Variants in MVD observed in about 807,000 individuals in gnomAD.
MVD encodes the protein mevalonate diphosphate decarboxylase, also known as diphosphomevalonate decarboxylase.
A neutral mutation model predicts 42.4 loss-of-function variants in MVD; 52 were observed. That is an observed-to-expected ratio of 1.23 (90% CI 0.98 to 1.55). The LOEUF (loss-of-function observed/expected upper bound fraction) is 1.55, where lower values mean the gene tolerates loss of function less well. Ranked by LOEUF, MVD falls within the 40% of genes most tolerant of loss-of-function variation. The probability of loss-of-function intolerance (pLI) is 0.00; values close to 1 mark genes in which losing one functional copy is unlikely to be tolerated. For synonymous variants in MVD, 287 were observed against 243.2 expected (o/e 1.18, Z -1.68); for missense variants, 663 against 572.1 (o/e 1.16, Z -1.62).
At position 88,654,776 on chromosome 16, in the gene MVD, G is replaced by T; in HGVS notation, c.929C>A (p.Ala310Asp). The T allele has an allele frequency of 6.3e-7, 1 of 1,595,354 alleles. No individual in the cohort carries two copies. Among genetic ancestry groups the T allele is most frequent in the Non-Finnish European group, 8.5e-7 (1 of 1,173,236 alleles). The change falls in exon 8 of 10, where the codon GCC becomes GAC. Residue 310 changes from alanine to aspartate, a missense_variant. Coordinates refer to ENST00000301012, the MANE Select transcript of MVD (RefSeq NM_002461.3). Reference sequence around the variant, plus strand: ...AGTGTCGTCCAGGGTGAAGATCACGGCATTGGGGCCCGCGTCAAAGGTGTA... The same window carrying T: ...AGTGTCGTCCAGGGTGAAGATCACGTCATTGGGGCCCGCGTCAAAGGTGTA... ...VAYTFDAGPN[A>D]VIFTLDDTVA... is the part of the protein sequence containing the mutation.
intron 4 of MVD, 25 bp downstream of exon 4, chr16:88,657,411 C>T: frequency 1.3e-6 from 2 of 1,575,400 alleles, no homozygotes; most frequent in Non-Finnish European, 8.6e-7. Flanking sequence ...GCCCAGAACC[C>T]CTGCGGGTCT....
At chr16:88,654,565 CG>C in intron 8 of MVD, 126 bp downstream of exon 8, 1 of 906,312 alleles carries the variant, frequency 1.1e-6, no homozygotes, top group East Asian at 3.1e-5. Context: ...CTCCCACACT[CG>C]GGGGACTGCT....
In MVD at chr16:88,661,482, C is replaced by T. The variant is rs920945018; in HGVS notation, c.70+1529G>A. ...CAGGTGATCCGCCCACCTCAGCCTC[C>T]CCAAGTGCTGGGATTACAGGCTTGA... On this transcript the variant is annotated intron_variant, in intron 1 of 9. Transcript: ENST00000301012. Among the ~76,000 whole-genome samples, 7 of 152,162 alleles carry T rather than the reference C, an allele frequency of 4.6e-5. No homozygotes were observed. In the East Asian group the frequency reaches 1.2e-3, roughly 25 times the overall value.
rs548019036 is a variant in MVD at position 88,654,566 on chromosome 16, G to A, written c.1013+126C>T. ...CACCCTGCCCGTGGCTCCCACACTC[G>A]GGGGACTGCTGCCTGCCCTGGGACT... is the stretch of plus-strand genomic sequence containing the variant. On this transcript the variant is annotated intron_variant, in intron 8 of 9. Transcript: ENST00000301012. 305 of 910,506 alleles carry A rather than the reference G, an allele frequency of 3.3e-4. 1 individual carries two copies. The highest frequency in any genetic ancestry group is 3.2e-3 in the African/African-American group (180 of 56,414). 56.4% of individuals were successfully genotyped at this position (910,506 alleles called of 1,614,324 possible). A position where few individuals can be genotyped will look rare whatever the true frequency, so the allele number is the denominator to read the frequency against.
rs754779116 is a variant in MVD, at chr16:88,657,963, G to C, written c.208C>G (p.Arg70Gly). 2.5e-6 allele frequency: 4 copies of C among 1,613,912 alleles called. No individual in the cohort carries two copies. The highest frequency in any genetic ancestry group is 1.7e-5 in the Admixed American group (1 of 60,034). ...FTEDRIWLNGREEDVGQPRLQ... is the reference protein window; with the variant it reads ...FTEDRIWLNGGEEDVGQPRLQ... ...CGCGGCTGCCCCACATCCTCCTCCCGGCCATTCAGCCAAATCCGGTCCTCG... is the reference window on the plus strand; with the variant it reads ...CGCGGCTGCCCCACATCCTCCTCCCCGCCATTCAGCCAAATCCGGTCCTCG... The change falls in exon 3 of 10, where the codon CGG becomes GGG. Residue 70 changes from arginine (R) to glycine (G), a missense_variant. Transcript: ENST00000301012.
In MVD at chr16:88,663,085, C is replaced by T; in HGVS notation, c.-5G>A. 6.2e-7 allele frequency: 1 copy of T among 1,608,692 alleles called. No individual in the cohort carries two copies. Among genetic ancestry groups the T allele is most frequent in the Non-Finnish European group, 8.5e-7 (1 of 1,178,338 alleles). ...CAGCGGCTTCTCCGAGGCCATGGTC[C>T]CACCGCGCAGTGACCCCAGCTCCAC... On this transcript the variant is annotated 5_prime_UTR_variant, in exon 1 of 10. Coordinates refer to ENST00000301012, the MANE Select transcript of MVD (RefSeq NM_002461.3).
intron 1 of MVD, chr16:88,662,649 C>T (rs1367947474): frequency 1.6e-6 from 2 of 1,256,384 alleles, no homozygotes; most frequent in Admixed American, 3.1e-5. Flanking sequence ...TCTGGCCATC[C>T]TCCCGCCTCA....
intron 8 of MVD, among the ~76,000 whole-genome samples, chr16:88,653,947 C>T (rs1907742175): frequency 6.6e-6 from 1 of 152,098 alleles, no homozygotes; most frequent in Admixed American, 6.5e-5. Flanking sequence ...TTGCTCCCAC[C>T]CGGGACAGAC....
intron 1 of MVD, chr16:88,662,171 G>A (rs1908344400): frequency 6.6e-6 from 1 of 152,138 alleles, no homozygotes; most frequent in African/African-American, 2.4e-5. Context: ...GCGGCTTCTG[G>A]AAAGAAAAGA....
intron 4 of MVD, 94 bp from the exon 5 acceptor site, chr16:88,656,398 CA>C: frequency 7.5e-7 from 1 of 1,336,358 alleles, no homozygotes; most frequent in South Asian, 1.2e-5. Flanking sequence ...CACCCCACGG[CA>C]AATGGGGATT....
At chr16:88,656,390 C>G in intron 4 of MVD, 86 bp from the exon 5 acceptor site, 1 of 1,410,546 alleles carries the variant, frequency 7.1e-7, no homozygotes, top group South Asian at 1.2e-5. Flanking sequence ...ACGTCCCACA[C>G]CCCACGGCAA....
intron 7 of MVD, 43 bp downstream of exon 7, chr16:88,655,156 G>A (rs1219808549): frequency 9.7e-6 from 15 of 1,543,140 alleles, no homozygotes; most frequent in Middle Eastern, 3.7e-4. Flanking sequence ...CTAGACACGC[G>A]CTACAGCGCG....
chr16:88,660,722 A>G (rs1266870239), intron 1 of MVD: 2 of 149,056 alleles, frequency 1.3e-5, no homozygotes, highest in East Asian at 4.0e-4. Context: ...AAATAAAAAT[A>G]AAAGGCCAGA....
chr16:88,654,554 G>T, intron 8 of MVD, 138 bp downstream of exon 8: 2 of 780,736 alleles, frequency 2.6e-6, no homozygotes. Context: ...CCTGCCCGTG[G>T]CTCCCACACT....
At chr16:88,658,508 G>T in intron 2 of MVD, 142 bp downstream of exon 2, 1 of 770,984 alleles carries the variant, frequency 1.3e-6, no homozygotes. Context: ...ATGGTTCACT[G>T]TGGTCTCCAA....
At chr16:88,658,292 TGC>T (rs1249822860) in intron 2 of MVD, among the ~76,000 whole-genome samples, 7 of 152,130 alleles carry the variant, frequency 4.6e-5, no homozygotes, top group Non-Finnish European at 8.8e-5. Context: ...GGGCACGGTG[TGC>T]GCATGTGTGA....
Position 88,653,062 on chromosome 16 carries a change from G to A in MVD, c.1122+238C>T, listed in dbSNP as rs140368963. On this transcript the variant is annotated intron_variant, in intron 9 of 9. Coordinates refer to ENST00000301012, the MANE Select transcript of MVD (RefSeq NM_002461.3). ...TCTGATACTCCCCACCTGTCTCCCT[G>A]GGAGCCTGTGTCAGACTCACCCTCC... Among the ~76,000 whole-genome samples the A allele has an allele frequency of 6.2e-3, 942 of 152,232 alleles. 9 individuals carry two copies. The highest frequency in any genetic ancestry group is 0.022 in the African/African-American group (909 of 41,550).
At chr16:88,660,051 C>A (rs1908193377) in intron 1 of MVD, among the ~76,000 whole-genome samples, 1 of 152,112 alleles carries the variant, frequency 6.6e-6, no homozygotes, top group African/African-American at 2.4e-5. Context: ...GCCCCGCCCC[C>A]TTTCCCTCCC....
chr16:88,654,950 C>A, intron 7 of MVD, 143 bp from the exon 8 acceptor site: 1 of 917,086 alleles, frequency 1.1e-6, no homozygotes, highest in Non-Finnish European at 1.6e-6. Context: ...GCTGTGACCC[C>A]AAGTGCCTGG....
Sources: allele counts gnomAD v4.1 joint callset (sites outside exome capture counted in the v4.1 genomes callset), GRCh38; gene constraint gnomAD v4.1.1; transcripts MANE v1.5; gene names NCBI Gene and HGNC (gene_info 2026-07-23, HGNC 2026-07-21).